The following MAGI1 variants were observed in gnomAD, a reference collection of about 807,000 sequenced individuals.
MAGI1 encodes membrane associated guanylate kinase, WW and PDZ domain containing 1, also known as membrane-associated guanylate kinase, WW and PDZ domain-containing protein 1.
In MAGI1, 58 loss-of-function variants were observed where a neutral mutation model predicts 139.9. That is an observed-to-expected ratio of 0.41 (90% CI 0.34 to 0.52). The LOEUF is 0.52. Ranked by LOEUF, MAGI1 falls within the 20% of genes least tolerant of loss-of-function variation. The pLI is 0.12. For missense variants in MAGI1, 1,874 were observed against 1,901.6 expected, an observed-to-expected ratio of 0.99 and a Z score of 0.27; for synonymous variants, 812 against 737.9, an observed-to-expected ratio of 1.10 and a Z score of -1.63.
At chr3:65,415,978 T>G (rs770664047) in intron 12 of MAGI1, among the ~76,000 whole-genome samples, 11 of 152,218 alleles carry the variant, frequency 7.2e-5, no homozygotes, top group Non-Finnish European at 1.2e-4. Flanking sequence ...TGTTATTTTT[T>G]CAATGCAATC....
At chr3:65,366,200 G>T (rs1941401874) in intron 18 of MAGI1, among the ~76,000 whole-genome samples, 1 of 152,070 alleles carries the variant, frequency 6.6e-6, no homozygotes, top group Admixed American at 6.6e-5. Context: ...CATACAATAA[G>T]CACTCAATAC....
chr3:65,644,108 T>C (rs2107262181), intron 1 of MAGI1, among the ~76,000 whole-genome samples: 1 of 152,306 alleles, frequency 6.6e-6, no homozygotes, highest in East Asian at 1.9e-4. Flanking sequence ...CCTAGACTTC[T>C]ACCCCCACTG....
intron 1 of MAGI1, among the ~76,000 whole-genome samples, chr3:65,800,296 AGTTCAAT>A (rs1164501898): frequency 6.6e-6 from 1 of 152,236 alleles, no homozygotes; most frequent in African/African-American, 2.4e-5. Context: ...GTGTCAGGGT[AGTTCAAT>A]GTAGGAGCAA....
At chr3:65,600,964 C>T (rs2082454313) in intron 2 of MAGI1, among the ~76,000 whole-genome samples, 1 of 152,158 alleles carries the variant, frequency 6.6e-6, no homozygotes, top group South Asian at 2.1e-4. Flanking sequence ...AATGACTCTA[C>T]TTTTTCACCT....
chr3:65,746,016 C>T (rs1008846784), intron 1 of MAGI1, among the ~76,000 whole-genome samples: 22 of 152,070 alleles, frequency 1.4e-4, no homozygotes, highest in Non-Finnish European at 2.9e-4. Flanking sequence ...AGGCATGAGC[C>T]ACTGCACCTG....
intron 2 of MAGI1, among the ~76,000 whole-genome samples, chr3:65,607,810 G>C (rs546982186): frequency 1.3e-5 from 2 of 151,968 alleles, no homozygotes; most frequent in Non-Finnish European, 2.9e-5. Flanking sequence ...CAGGTGTTTC[G>C]GCTTACTGCG....
Position 65,356,528 on chromosome 3 carries a change from C to T in MAGI1, c.4239G>A (p.Arg1413=). The T allele has an allele frequency of 6.2e-7, 1 of 1,610,756 alleles. No homozygotes were observed. The highest frequency in any genetic ancestry group is 1.1e-5 in the South Asian group (1 of 91,076). The change falls in exon 23 of 23, where the codon CGG becomes CGA. Residue 1413 remains arginine, a synonymous_variant. Transcript: ENST00000402939. The part of the protein sequence containing the change: ...RARSPERRRE[R]SLDKRNREDR... ...CCTCTCTGTTCCTTTTGTCCAGGGA[C>T]CGCTCTCTCCTGCGCTCGGGGGAGC... is the stretch of plus-strand genomic sequence containing the variant.
intron 1 of MAGI1, among the ~76,000 whole-genome samples, chr3:65,711,030 G>A (rs2031328538): frequency 6.6e-6 from 1 of 152,050 alleles, no homozygotes; most frequent in African/African-American, 2.4e-5. Context: ...TAGCCTCTAT[G>A]AAGACAATGA....
intron 1 of MAGI1, among the ~76,000 whole-genome samples, chr3:65,932,365 A>G (rs1393820005): frequency 6.6e-6 from 1 of 152,142 alleles, no homozygotes; most frequent in Non-Finnish European, 1.5e-5. Flanking sequence ...CAGTTTCACG[A>G]AACAAAAATA....
At chr3:65,480,581 GTTTCT>G (rs1951214777) in intron 3 of MAGI1, among the ~76,000 whole-genome samples, 1 of 126,310 alleles carries the variant, frequency 7.9e-6, no homozygotes, top group African/African-American at 2.9e-5. Context: ...TATAAATAAG[GTTTCT>G]TTTTTTTTTT....
chr3:65,712,868 C>G (rs1001524867), intron 1 of MAGI1, among the ~76,000 whole-genome samples: 4 of 152,192 alleles, frequency 2.6e-5, no homozygotes, highest in African/African-American at 7.2e-5. Context: ...CAATAAAACA[C>G]TTTCTAGGAA....
At chr3:65,606,405 A>G (rs747399855) in intron 2 of MAGI1, among the ~76,000 whole-genome samples, 90 of 152,210 alleles carry the variant, frequency 5.9e-4, no homozygotes, top group Non-Finnish European at 1.0e-3. Flanking sequence ...CAGTGGCACA[A>G]TCTTGGCTCA....
intron 16 of MAGI1, 146 bp downstream of exon 16, chr3:65,381,731 G>A: frequency 2.7e-6 from 2 of 749,238 alleles, no homozygotes; most frequent in Non-Finnish European, 4.2e-6. Context: ...GGGTTTGAGA[G>A]AAGCAAGCCA....
At chr3:65,691,239 G>A (rs905459874) in intron 1 of MAGI1, among the ~76,000 whole-genome samples, 6 of 148,218 alleles carry the variant, frequency 4.0e-5, no homozygotes, top group African/African-American at 1.5e-4. Context: ...GGAGGAGGAG[G>A]TTGCAGTGAG....
intron 1 of MAGI1, among the ~76,000 whole-genome samples, chr3:66,021,674 T>C (rs915853383): frequency 6.6e-6 from 1 of 152,180 alleles, no homozygotes; most frequent in Non-Finnish European, 1.5e-5. Flanking sequence ...TCTGATCCCG[T>C]AGGTCTGGGA....
intron 1 of MAGI1, among the ~76,000 whole-genome samples, chr3:65,786,832 T>C (rs894624361): frequency 6.6e-6 from 1 of 151,910 alleles, no homozygotes; most frequent in South Asian, 2.1e-4. Context: ...AGCCAGGATG[T>C]TCTCGATTTC....
At chr3:65,729,119 ACGGGG>A (rs1183087699) in intron 1 of MAGI1, among the ~76,000 whole-genome samples, 2,468 of 8,292 alleles carry the variant, frequency 0.3, 157 homozygotes, top group African/African-American at 0.42. Context: ...AAAAAATGGA[ACGGGG>A]GGGGGGGGGG....
intron 1 of MAGI1, among the ~76,000 whole-genome samples, chr3:65,944,862 A>T (rs1244335069): frequency 1.3e-5 from 2 of 152,236 alleles, no homozygotes; most frequent in Admixed American, 1.3e-4. Context: ...TAATAAAGAG[A>T]GTGTCAATTT....
chr3:65,735,057 ATTAT>A (rs2034595311), intron 1 of MAGI1, among the ~76,000 whole-genome samples: 1 of 152,218 alleles, frequency 6.6e-6, no homozygotes, highest in South Asian at 2.1e-4. Flanking sequence ...AAAGACCCTT[ATTAT>A]TTAATAATAA....
Sources: gnomAD v4.1 joint callset for allele counts (sites outside exome capture counted in the v4.1 genomes callset) on GRCh38, gnomAD v4.1.1 for gene constraint, MANE v1.5 for transcripts, NCBI Gene and HGNC (gene_info 2026-07-23, HGNC 2026-07-21) for gene names.